ATP10B: variants seen among roughly 807,000 people sequenced by gnomAD.
ATP10B encodes phospholipid-transporting ATPase VB.
Under a neutral mutation model 141.2 loss-of-function variants are expected in ATP10B, and 122 were observed. The ratio of observed to expected loss-of-function variants is 0.86; its 90% confidence interval spans 0.75 to 1.00. The LOEUF (loss-of-function observed/expected upper bound fraction) is 1.00, where lower values mean the gene tolerates loss of function less well. Ranked by LOEUF, ATP10B falls within the 50% of genes least tolerant of loss-of-function variation. The pLI, the probability that ATP10B is intolerant of heterozygous loss-of-function variation, is 0.00. For missense variants in ATP10B, 1,876 were observed against 1,825.3 expected, an observed-to-expected ratio of 1.03 and a Z score of -0.51; for synonymous variants, 685 against 692.0, an observed-to-expected ratio of 0.99 and a Z score of 0.16.
the ATP10B span, among the ~76,000 whole-genome samples, chr5:160,929,257 G>A: frequency 6.6e-6 from 1 of 152,164 alleles, no homozygotes; most frequent in Non-Finnish European, 1.5e-5. Flanking sequence ...ATAGCTGACA[G>A]GGAGGGTTGG....
In ATP10B at chr5:160,730,275, T is replaced by C. The variant is rs142564166; in HGVS notation, c.-330-13241A>G. Reference sequence around the variant, plus strand: ...GGGCATCAGGACCAGGGCTCTGCCTTGCTGATGAGATTCAAGTCTGTGTTC... The same window carrying C: ...GGGCATCAGGACCAGGGCTCTGCCTCGCTGATGAGATTCAAGTCTGTGTTC... On this transcript the variant is annotated intron_variant, in intron 2 of 25. Transcript: ENST00000327245. Among the ~76,000 whole-genome samples, 215 of 152,298 alleles carry C rather than the reference T, an allele frequency of 1.4e-3. 1 individual carries two copies. The highest frequency in any genetic ancestry group is 2.6e-3 in the Non-Finnish European group (174 of 68,014).
intron 24 of ATP10B, 119 bp from the exon 25 acceptor site, chr5:160,569,802 T>C: frequency 1.2e-6 from 1 of 814,844 alleles, no homozygotes; most frequent in East Asian, 3.0e-5. Context: ...CACACAAAAT[T>C]CAAAAAAGTG....
intron 2 of ATP10B, among the ~76,000 whole-genome samples, chr5:160,760,243 C>T (rs1768935781): frequency 6.6e-6 from 1 of 152,172 alleles, no homozygotes; most frequent in East Asian, 1.9e-4. Context: ...TAATAGCAGG[C>T]TTGTAGCTCA....
chr5:160,733,019 G>T (rs776424166), intron 2 of ATP10B, among the ~76,000 whole-genome samples: 1 of 152,048 alleles, frequency 6.6e-6, no homozygotes, highest in Non-Finnish European at 1.5e-5. Flanking sequence ...GATAGGTATT[G>T]TATTAAATAT....
At chr5:160,925,335 T>C in the ATP10B span, among the ~76,000 whole-genome samples, 1 of 152,202 alleles carries the variant, frequency 6.6e-6, no homozygotes, top group Non-Finnish European at 1.5e-5. Context: ...TATGGACCTA[T>C]CACTATTTAA....
At chr5:160,861,878 C>G in the ATP10B span, among the ~76,000 whole-genome samples, 1 of 151,838 alleles carries the variant, frequency 6.6e-6, no homozygotes, top group Non-Finnish European at 1.5e-5. Context: ...AACAATATAT[C>G]TATTACATCT....
At chr5:160,636,059 T>A in intron 11 of ATP10B, 123 bp downstream of exon 11, 2 of 1,111,676 alleles carry the variant, frequency 1.8e-6, no homozygotes, top group Non-Finnish European at 2.5e-6. Context: ...GCGATGACCA[T>A]CTCCTCATCT....
At chr5:160,897,818 G>A in the ATP10B span, among the ~76,000 whole-genome samples, 3 of 152,268 alleles carry the variant, frequency 2.0e-5, no homozygotes, top group East Asian at 3.9e-4. Context: ...AACCAGAACA[G>A]CATGGAACTG....
In ATP10B at chr5:160,620,763, G is replaced by C. The variant is rs1372642678; in HGVS notation, c.2000C>G (p.Ser667Cys). The change falls in exon 15 of 26, where the codon TCT becomes TGT. Residue 667 changes from serine (S) to cysteine (C), a missense_variant. Coordinates refer to ENST00000327245, the MANE Select transcript of ATP10B (RefSeq NM_025153.3). ...TTDSDERDDA[S>C]VCSGGDSTDD... ...AGTGGAGTCACCTCCACTGCACACA[G>C]ATGCATCATCTCTCTCATCCGAGTC... The C allele has an allele frequency of 3.7e-6, 6 of 1,614,236 alleles. No homozygotes were observed. The highest frequency in any genetic ancestry group is 5.1e-6 in the Non-Finnish European group (6 of 1,180,038).
intron 9 of ATP10B, among the ~76,000 whole-genome samples, chr5:160,643,326 G>T (rs1760016349): frequency 6.6e-6 from 1 of 152,226 alleles, no homozygotes; most frequent in Admixed American, 6.5e-5. Context: ...GTGTCCCAGT[G>T]AGTGGAAGAC....
At chr5:160,662,867 G>A (rs926966474) in intron 7 of ATP10B, among the ~76,000 whole-genome samples, 8 of 152,176 alleles carry the variant, frequency 5.3e-5, no homozygotes, top group African/African-American at 1.9e-4. Context: ...GCAACCTACA[G>A]AATGGGAGAA....
At position 160,606,950 on chromosome 5, in the gene ATP10B, G is replaced by A. The variant is rs1257690834; in HGVS notation, c.2975C>T (p.Pro992Leu). The A allele has an allele frequency of 6.2e-7, 1 of 1,614,108 alleles. No homozygotes were observed. Among genetic ancestry groups the A allele is most frequent in the Non-Finnish European group, 8.5e-7 (1 of 1,180,010 alleles). The change falls in exon 19 of 26, where the codon CCA (proline) becomes CTA (leucine). Residue 992 changes from proline (P) to leucine (L), a missense_variant. Transcript: ENST00000327245. ...TPSITSEAVV[P>L]EAGLVIDGKT... The stretch of plus-strand genomic sequence containing the variant: ...CCCATCGATGACCAATCCAGCTTCT[G>A]GAACCACAGCTTCTGAGGTGATGGA...
intron 23 of ATP10B, 36 bp downstream of exon 23, chr5:160,591,019 TCTGC>T (rs199688799): frequency 0.055 from 84,338 of 1,546,770 alleles, 3,349 homozygotes; most frequent in East Asian, 0.23. Context: ...CCAGTTCTTC[TCTGC>T]AATTTATGTG....
intron 3 of ATP10B, among the ~76,000 whole-genome samples, chr5:160,694,365 C>T (rs1050654999): frequency 6.6e-6 from 1 of 152,148 alleles, no homozygotes; most frequent in Non-Finnish European, 1.5e-5. Context: ...TGAAATGGCA[C>T]CTCCCACTAA....
the ATP10B span, among the ~76,000 whole-genome samples, chr5:160,903,801 G>A: frequency 1.3e-5 from 2 of 152,176 alleles, no homozygotes; most frequent in Admixed American, 6.5e-5. Context: ...ATAAAGAGGA[G>A]GTTAGGTGTG....
At chr5:160,780,350 A>T (rs1770632140) in intron 2 of ATP10B, among the ~76,000 whole-genome samples, 1 of 131,958 alleles carries the variant, frequency 7.6e-6, no homozygotes, top group African/African-American at 2.9e-5. Flanking sequence ...TGGTGATTTC[A>T]TAGAACATAA....
chr5:160,589,795 T>C (rs756518124), intron 23 of ATP10B, 99 bp from the exon 24 acceptor site: 4 of 860,492 alleles, frequency 4.6e-6, no homozygotes, highest in South Asian at 2.9e-5. Flanking sequence ...CAGTTGTCAA[T>C]GGAGAAGGAG....
chr5:160,873,126 T>G, the ATP10B span, among the ~76,000 whole-genome samples: 1 of 151,852 alleles, frequency 6.6e-6, no homozygotes, highest in Non-Finnish European at 1.5e-5. Flanking sequence ...TTTTTTTGTT[T>G]TTTTTTTTTC....
At chr5:160,783,402 A>T (rs1770865947) in intron 2 of ATP10B, among the ~76,000 whole-genome samples, 1 of 132,666 alleles carries the variant, frequency 7.5e-6, no homozygotes, top group Non-Finnish European at 1.6e-5. Flanking sequence ...TATGTGATGG[A>T]TATATCTATC....
Sources: gnomAD v4.1 joint callset for allele counts (sites outside exome capture counted in the v4.1 genomes callset) on GRCh38, gnomAD v4.1.1 for gene constraint, MANE v1.5 for transcripts, NCBI Gene and HGNC (gene_info 2026-07-23, HGNC 2026-07-21) for gene names.